SPPL3: variants seen among roughly 807,000 people sequenced by gnomAD.
SPPL3 encodes signal peptide peptidase like 3, also known as signal peptide peptidase-like 3.
Under a neutral mutation model 42.4 loss-of-function variants are expected in SPPL3, and 5 were observed. The observed-to-expected ratio is 0.12, with a 90% CI of 0.06 to 0.25. The LOEUF is 0.25. Ranked by LOEUF, SPPL3 falls within the 10% of genes least tolerant of loss-of-function variation. The pLI is 1.00. For missense variants in SPPL3, 235 were observed against 489.0 expected, an observed-to-expected ratio of 0.48 and a Z score of 4.90; for synonymous variants, 195 against 181.8, an observed-to-expected ratio of 1.07 and a Z score of -0.58.
chr12:120,783,105 CCAAAG>C (rs1869598055), intron 5 of SPPL3, among the ~76,000 whole-genome samples: 1 of 152,150 alleles, frequency 6.6e-6, no homozygotes, highest in Non-Finnish European at 1.5e-5. Flanking sequence ...AACTCATTTA[CCAAAG>C]ATGGTATCAC....
intron 1 of SPPL3, among the ~76,000 whole-genome samples, chr12:120,823,003 T>C (rs1170366008): frequency 6.6e-6 from 1 of 151,530 alleles, no homozygotes; most frequent in African/African-American, 2.4e-5. Flanking sequence ...GTAAACAGGT[T>C]GCCAAATTAA....
chr12:120,875,031 G>GCTT (rs1216035130), intron 1 of SPPL3, among the ~76,000 whole-genome samples: 1 of 152,100 alleles, frequency 6.6e-6, no homozygotes, highest in Non-Finnish European at 1.5e-5. Flanking sequence ...CTAAGCTAAG[G>GCTT]TCTGAGCCAG....
At chr12:120,879,679 G>C (rs963717725) in intron 1 of SPPL3, among the ~76,000 whole-genome samples, 1 of 152,020 alleles carries the variant, frequency 6.6e-6, no homozygotes, top group African/African-American at 2.4e-5. Context: ...ATTAATTGCA[G>C]AGTCAAAAAT....
chr12:120,901,204 A>C (rs1203315140), intron 1 of SPPL3, among the ~76,000 whole-genome samples: 1 of 152,138 alleles, frequency 6.6e-6, no homozygotes, highest in African/African-American at 2.4e-5. Flanking sequence ...CCTACCTCAG[A>C]AACTTGTGAG....
chr12:120,833,169 T>C (rs1398090267), intron 1 of SPPL3, among the ~76,000 whole-genome samples: 2 of 151,988 alleles, frequency 1.3e-5, no homozygotes, highest in South Asian at 2.1e-4. Flanking sequence ...GATCTGAAAA[T>C]GTGAGATCCA....
rs962480069 is a variant in SPPL3 at position 120,859,946 on chromosome 12, C to CA, written c.23+43898dup. On this transcript the variant is annotated intron_variant, in intron 1 of 10. Coordinates refer to ENST00000353487, the MANE Select transcript of SPPL3 (RefSeq NM_139015.5). ...CAACAGAGCAAGACTCCAACTCAAA[C>CA]AAAAAAAAGTCTAGCTGGGTGCAGT... Among the ~76,000 whole-genome samples, 10 of 151,114 alleles carry CA rather than the reference C, an allele frequency of 6.6e-5. No homozygotes were observed. In the East Asian group the frequency reaches 1.2e-3, roughly 18 times the overall value.
At position 120,767,610 on chromosome 12, in the gene SPPL3, C is replaced by T; in HGVS notation, c.774-17G>A. On this transcript the variant is annotated splice_polypyrimidine_tract_variant and intron_variant, in intron 8 of 10. Transcript: ENST00000353487. ...CCAGTGGAGCTGGAATGCAGTTTCACAGGTTAGTGACGTCACACTCTACAA... is the reference window on the plus strand; with the variant it reads ...CCAGTGGAGCTGGAATGCAGTTTCATAGGTTAGTGACGTCACACTCTACAA... 6.2e-7 allele frequency: 1 copy of T among 1,613,642 alleles called. No homozygotes were observed. Among genetic ancestry groups the T allele is most frequent in the South Asian group, 1.1e-5 (1 of 91,042 alleles).
intron 6 of SPPL3, among the ~76,000 whole-genome samples, chr12:120,777,272 A>G (rs953587514): frequency 2.0e-5 from 3 of 152,160 alleles, no homozygotes; most frequent in African/African-American, 4.8e-5. Flanking sequence ...TTTAAGGGAT[A>G]TACTCATAAA....
chr12:120,802,228 A>C (rs779504001), intron 2 of SPPL3, among the ~76,000 whole-genome samples: 1 of 151,886 alleles, frequency 6.6e-6, no homozygotes, highest in Non-Finnish European at 1.5e-5. Context: ...TTTAGGTATT[A>C]GGTTCCTTCA....
intron 1 of SPPL3, among the ~76,000 whole-genome samples, chr12:120,863,274 G>C (rs1872666196): frequency 6.6e-6 from 1 of 151,990 alleles, no homozygotes; most frequent in African/African-American, 2.4e-5. Flanking sequence ...CTTGAACCCA[G>C]GAGGCAGAGG....
rs1158704676 is a variant in SPPL3 at position 120,764,314 on chromosome 12, G to GTGTT, written c.*681_*684dup. The GTGTT allele has an allele frequency of 1.4e-5, 2 of 145,564 alleles. No homozygotes were observed. Among genetic ancestry groups the GTGTT allele is most frequent in the East Asian group, 2.3e-4 (1 of 4,372 alleles). The allele number at this position is 145,564 out of a possible 1,614,324, so 9.0% of individuals were successfully genotyped here. A position where few individuals can be genotyped will look rare whatever the true frequency, so the allele number is the denominator to read the frequency against. ...TGTTTATTCATATATATCTATGTGT[G>GTGTT]TGTTTATATATATATATGTACGTAT... On this transcript the variant is annotated 3_prime_UTR_variant, in exon 11 of 11. Coordinates refer to ENST00000353487, the MANE Select transcript of SPPL3 (RefSeq NM_139015.5).
At chr12:120,780,642 C>T (rs1286624581) in intron 6 of SPPL3, among the ~76,000 whole-genome samples, 1 of 148,294 alleles carries the variant, frequency 6.7e-6, no homozygotes, top group South Asian at 2.2e-4. Flanking sequence ...AATCCCAGAA[C>T]TTTGGGAGGC....
At chr12:120,765,575 T>C (rs1480907954) in intron 10 of SPPL3, among the ~76,000 whole-genome samples, 2 of 152,194 alleles carry the variant, frequency 1.3e-5, no homozygotes, top group Non-Finnish European at 2.9e-5. Context: ...ACCATGCCCC[T>C]GGCCCCTTTC....
chr12:120,784,349 G>A (rs1009104137), intron 4 of SPPL3, 125 bp downstream of exon 4: 32 of 1,059,910 alleles, frequency 3.0e-5, no homozygotes, highest in South Asian at 5.3e-5. Flanking sequence ...CGGAGAAGGC[G>A]AAGCCAAGAT....
intron 2 of SPPL3, among the ~76,000 whole-genome samples, chr12:120,806,304 T>A (rs965021277): frequency 9.3e-5 from 14 of 151,206 alleles, no homozygotes; most frequent in Admixed American, 7.9e-4. Flanking sequence ...GCTCAGGTGA[T>A]CCTCCCACCT....
Position 120,767,575 on chromosome 12 carries a change from G to A in SPPL3, c.792C>T (p.Phe264=), listed in dbSNP as rs762437070. 4.3e-6 allele frequency: 7 copies of A among 1,614,150 alleles called. 1 individual carries two copies. In the South Asian group the frequency reaches 4.4e-5, roughly 10 times the overall value. ...CGATGTCTCCGATGCCCAACATGGA[G>A]AAGTGGCTGCCAGTGGAGCTGGAAT... is the stretch of plus-strand genomic sequence containing the variant. The part of the protein sequence containing the change: ...LVFPSSTGSH[F]SMLGIGDIVM... Residue 264 remains phenylalanine (F), a synonymous_variant, in exon 9 of 11, where the codon TTC becomes TTT. Coordinates refer to ENST00000353487, the MANE Select transcript of SPPL3 (RefSeq NM_139015.5).
rs574921998 is a variant in SPPL3, at chr12:120,858,244, G to A, written c.23+45601C>T. 3.1e-3 allele frequency among the ~76,000 whole-genome samples: 471 copies of A among 152,236 alleles called. 1 individual carries two copies. The highest frequency in any genetic ancestry group is 0.011 in the African/African-American group (444 of 41,548). ...TGTAATTCCAGTACTTTGGGAGGCC[G>A]AGGTGGTCAGAAGTTCAAGATCAGC... On this transcript the variant is annotated intron_variant, in intron 1 of 10. Coordinates refer to ENST00000353487, the MANE Select transcript of SPPL3 (RefSeq NM_139015.5).
chr12:120,762,642 T>C lies in SPPL3; in HGVS notation c.*2357A>G, dbSNP rs1868702775. On this transcript the variant is annotated 3_prime_UTR_variant, in exon 11 of 11. Coordinates refer to ENST00000353487, the MANE Select transcript of SPPL3 (RefSeq NM_139015.5). ...GGAGTCTCACCCTGTCGCCCAGACT[T>C]GAGTGCAGTGGCGCAATCTCTGCTC... 6.6e-6 allele frequency: 1 copy of C among 150,940 alleles called. No homozygotes were observed. Among genetic ancestry groups the C allele is most frequent in the Admixed American group, 6.7e-5 (1 of 15,026 alleles). 9.4% of individuals were successfully genotyped at this position (150,940 alleles called of 1,614,324 possible).
chr12:120,790,340 G>A (rs1869873106), intron 3 of SPPL3, among the ~76,000 whole-genome samples: 1 of 152,190 alleles, frequency 6.6e-6, no homozygotes, highest in Non-Finnish European at 1.5e-5. Context: ...TGAAAACTGG[G>A]CAAATACAAC....
Sources: allele counts gnomAD v4.1 joint callset (sites outside exome capture counted in the v4.1 genomes callset), GRCh38; gene constraint gnomAD v4.1.1; transcripts MANE v1.5; gene names NCBI Gene and HGNC (gene_info 2026-07-23, HGNC 2026-07-21).